Variants in RPP30 observed in about 807,000 individuals in gnomAD.
The protein encoded by RPP30 is ribonuclease P protein subunit p30.
RPP30 carries 36 observed loss-of-function variants against 38.6 expected under a neutral mutation model. The ratio of observed to expected loss-of-function variants is 0.93; its 90% CI spans 0.71 to 1.23. The LOEUF (loss-of-function observed/expected upper bound fraction) is 1.23. RPP30 is among the 50% of genes most tolerant of loss of function. The pLI, the probability that RPP30 is intolerant of heterozygous loss-of-function variation, is 0.00. For missense variants in RPP30, 321 were observed against 321.7 expected (o/e 1.00, Z 0.02); for synonymous variants, 126 against 112.7 (o/e 1.12, Z -0.75).
chr10:90,882,081 G>A (rs781376353), intron 5 of RPP30, among the ~76,000 whole-genome samples: 1 of 152,150 alleles, frequency 6.6e-6, no homozygotes, highest in African/African-American at 2.4e-5. Flanking sequence ...GGCTCCTTGG[G>A]ATGGGGGACA....
chr10:90,896,004 T>C, intron 9 of RPP30, 87 bp downstream of exon 9: 1 of 1,029,736 alleles, frequency 9.7e-7, no homozygotes, highest in South Asian at 1.5e-5. Flanking sequence ...CATGTATTTT[T>C]CTCAACCTTT....
intron 5 of RPP30, among the ~76,000 whole-genome samples, chr10:90,884,376 T>C (rs1292928102): frequency 6.6e-6 from 1 of 152,234 alleles, no homozygotes; most frequent in Non-Finnish European, 1.5e-5. Context: ...ACCTTTTGAG[T>C]GCCTGTTCAT....
chr10:90,874,188 T>C (rs1294054224), intron 1 of RPP30, among the ~76,000 whole-genome samples: 1 of 152,186 alleles, frequency 6.6e-6, no homozygotes, highest in Non-Finnish European at 1.5e-5. Context: ...AAATTAAAGA[T>C]GGGAGTCATG....
chr10:90,894,694 G>A lies in RPP30; in HGVS notation c.433-81G>A. ...AGGGGTCAGTAGTAGGGAGTGAGGA[G>A]GGATGTGAAGAGAGAATCAGTGAAA... On this transcript the variant is annotated intron_variant, in intron 6 of 10. Coordinates refer to ENST00000371703, the MANE Select transcript of RPP30 (RefSeq NM_006413.5). The A allele has an allele frequency of 3.1e-6, 3 of 962,832 alleles. No individual in the cohort carries two copies. The South Asian group carries it at 3.9e-5, about 13-fold the overall frequency. The allele number at this position is 962,832 out of a possible 1,614,324, so 59.6% of individuals were successfully genotyped here.
chr10:90,890,818 T>TC (rs1847072322), intron 6 of RPP30, among the ~76,000 whole-genome samples: 1 of 18,108 alleles, frequency 5.5e-5, no homozygotes, highest in Non-Finnish European at 9.0e-5. Context: ...AATTAATAAG[T>TC]TAAAAAAAAA....
At chr10:90,875,489 T>C in intron 2 of RPP30, 69 bp from the exon 3 acceptor site, 2 of 1,251,744 alleles carry the variant, frequency 1.6e-6, no homozygotes, top group South Asian at 1.3e-5. Flanking sequence ...GAACACCTCG[T>C]AATTTTTCCA....
At chr10:90,907,600 G>A (rs76265731), downstream of RPP30, among the ~76,000 whole-genome samples, 563 of 152,296 alleles carry the variant, frequency 3.7e-3, 11 homozygotes, top group African/African-American at 0.012. Flanking sequence ...CTTGGTGCTA[G>A]TGTTTTACAT....
chr10:90,895,053 A>G (rs1204417180), intron 7 of RPP30, 162 bp downstream of exon 7: 2 of 709,956 alleles, frequency 2.8e-6, no homozygotes, highest in African/African-American at 3.5e-5. Flanking sequence ...TAAGGGAAAG[A>G]AAAATACCAA....
chr10:90,895,414 A>T, intron 7 of RPP30, 40 bp from the exon 8 acceptor site: 1 of 1,187,642 alleles, frequency 8.4e-7, no homozygotes, highest in Non-Finnish European at 1.2e-6. Context: ...CTTTTTTTAC[A>T]TTTATCTAAG....
chr10:90,876,446 A>C (rs371985917), intron 4 of RPP30, among the ~76,000 whole-genome samples: 3 of 152,210 alleles, frequency 2.0e-5, no homozygotes, highest in African/African-American at 7.2e-5. Context: ...GCAAGCACTG[A>C]ACAAATAATA....
At chr10:90,885,950 C>T (rs1225407395) in intron 6 of RPP30, 49 bp downstream of exon 6, 1 of 1,184,564 alleles carries the variant, frequency 8.4e-7, no homozygotes, top group Non-Finnish European at 1.2e-6. Context: ...CTTACATTAG[C>T]AAATTGGAAA....
At chr10:90,892,070 T>G (rs772321230) in intron 6 of RPP30, among the ~76,000 whole-genome samples, 16 of 152,242 alleles carry the variant, frequency 1.1e-4, no homozygotes, top group Non-Finnish European at 8.8e-5. Context: ...CCAATGTATC[T>G]TGATTCAACT....
chr10:90,883,289 C>CA (rs35852982), intron 5 of RPP30, among the ~76,000 whole-genome samples: 49,896 of 119,160 alleles, frequency 0.42, 10,004 homozygotes, highest in Non-Finnish European at 0.52. Flanking sequence ...AGTCTCTGGC[C>CA]AAAAAAAAAA....
At chr10:90,884,674 A>C (rs530262490) in intron 5 of RPP30, among the ~76,000 whole-genome samples, 16 of 152,264 alleles carry the variant, frequency 1.1e-4, no homozygotes, top group Admixed American at 9.8e-4. Context: ...CTACTTCCTA[A>C]AGCCCTGGGG....
At chr10:90,898,135 CA>C (rs1847164471) in intron 10 of RPP30, among the ~76,000 whole-genome samples, 1 of 152,106 alleles carries the variant, frequency 6.6e-6, no homozygotes, top group Non-Finnish European at 1.5e-5. Flanking sequence ...TCCAGGAGTT[CA>C]GTTGCTTTGA....
chr10:90,888,714 ACCC>A (rs1482552611), intron 6 of RPP30, among the ~76,000 whole-genome samples: 1 of 151,870 alleles, frequency 6.6e-6, no homozygotes, highest in African/African-American at 2.4e-5. Flanking sequence ...AGGACACCCC[ACCC>A]CCTGATTCCA....
chr10:90,899,115 C>G (rs965011572), intron 10 of RPP30, among the ~76,000 whole-genome samples: 1 of 152,070 alleles, frequency 6.6e-6, no homozygotes, highest in Non-Finnish European at 1.5e-5. Flanking sequence ...TTAAAAAGTG[C>G]TGATTTTCAT....
intron 7 of RPP30, 39 bp from the exon 8 acceptor site, chr10:90,895,415 T>C (rs1564714998): frequency 2.5e-6 from 3 of 1,192,384 alleles, no homozygotes; most frequent in South Asian, 1.5e-5. Flanking sequence ...TTTTTTTACA[T>C]TTATCTAAGA....
chr10:90,895,508 T>C, intron 8 of RPP30, 25 bp downstream of exon 8: 2 of 1,312,196 alleles, frequency 1.5e-6, no homozygotes, highest in Non-Finnish European at 2.0e-6. Flanking sequence ...AAGTACTTTG[T>C]TTTCATCTTT....
Sources: allele counts gnomAD v4.1 joint callset (sites outside exome capture counted in the v4.1 genomes callset), GRCh38; gene constraint gnomAD v4.1.1; transcripts MANE v1.5; gene names NCBI Gene and HGNC (gene_info 2026-07-23, HGNC 2026-07-21).